Variants in CFAP99 observed in about 807,000 individuals in gnomAD.
The protein encoded by CFAP99 is cilia and flagella associated protein 99.
Under a neutral mutation model 82.7 loss-of-function variants are expected in CFAP99, and 84 were observed. The observed-to-expected ratio is 1.02, with a 90% CI of 0.85 to 1.22. CFAP99 has a LOEUF of 1.22. Among genes scored for constraint, CFAP99 ranks in the 50% most tolerant of loss-of-function variants. The pLI, the probability that CFAP99 is intolerant of heterozygous loss-of-function variation, is 0.00. For missense variants in CFAP99, 1,059 were observed against 983.5 expected, an observed-to-expected ratio of 1.08 and a Z score of -1.03; for synonymous variants, 456 against 429.5, an observed-to-expected ratio of 1.06 and a Z score of -0.76.
chr4:2,454,973 G>A (rs1372622224), intron 11 of CFAP99, among the ~76,000 whole-genome samples: 2 of 152,112 alleles, frequency 1.3e-5, no homozygotes, highest in Admixed American at 6.5e-5. Context: ...AGGCTGGAGC[G>A]CAGTGGCATG....
At chr4:2,423,330 G>A (rs1372452590) in intron 1 of CFAP99, among the ~76,000 whole-genome samples, 2 of 152,260 alleles carry the variant, frequency 1.3e-5, no homozygotes, top group East Asian at 3.8e-4. Flanking sequence ...CTCCCGAGGA[G>A]AGGGGCTGAA....
At chr4:2,461,400 C>T (rs950310799) in intron 14 of CFAP99, among the ~76,000 whole-genome samples, 2 of 152,212 alleles carry the variant, frequency 1.3e-5, no homozygotes, top group Non-Finnish European at 2.9e-5. Flanking sequence ...CTAATCATTG[C>T]TGATGGAAGA....
intron 14 of CFAP99, among the ~76,000 whole-genome samples, chr4:2,461,966 G>C (rs1365081083): frequency 6.7e-6 from 1 of 149,716 alleles, no homozygotes; most frequent in African/African-American, 2.5e-5. Flanking sequence ...TAGTACACCT[G>C]TAATACTTTT....
At chr4:2,438,035 G>T in intron 3 of CFAP99, 35 bp from the exon 4 acceptor site, 1 of 1,332,244 alleles carries the variant, frequency 7.5e-7, no homozygotes, top group Non-Finnish European at 1.0e-6. Flanking sequence ...GCCCCGTGAC[G>T]TCCCTTAGCC....
In CFAP99 at chr4:2,445,325, T is replaced by C; in HGVS notation, c.642+17T>C. On this transcript the variant is annotated intron_variant, in intron 6 of 14. Transcript: ENST00000635017. ...CCGAGACCCGTGAGTGTGGGCATTC[T>C]CAGCAGGCACTGGCTTGCAGGCATC... 1 of 1,321,952 alleles carries C rather than the reference T, an allele frequency of 7.6e-7. No homozygotes were observed. The highest frequency in any genetic ancestry group is 2.2e-5 in the South Asian group (1 of 45,730). 81.9% of individuals were successfully genotyped at this position (1,321,952 alleles called of 1,614,324 possible).
At chr4:2,436,953 T>C (rs1307472152) in exon 3 of CFAP99, 2 of 1,536,006 alleles carry the variant, frequency 1.3e-6, no homozygotes, top group Admixed American at 3.9e-5. Flanking sequence ...CTGACCGTCG[T>C]GGTGGATGCC....
chr4:2,450,831 G>A lies in CFAP99; in HGVS notation c.796-116G>A. ...AGGGATGGGCAGCTGGGGGGAGGAT[G>A]AAGAGGGGTGAGCCAGGCCTCCCCA... On this transcript the variant is annotated intron_variant, in intron 8 of 14. Transcript: ENST00000635017. The A allele has an allele frequency of 1.1e-5, 9 of 793,344 alleles. No homozygotes were observed. In the South Asian group the frequency reaches 1.2e-4, roughly 11 times the overall value. 49.1% of individuals were successfully genotyped at this position (793,344 alleles called of 1,614,324 possible).
intron 3 of CFAP99, 136 bp downstream of exon 3, chr4:2,437,154 G>T: frequency 9.5e-7 from 1 of 1,051,406 alleles, no homozygotes; most frequent in Non-Finnish European, 1.4e-6. Flanking sequence ...AGGCTTCCCG[G>T]CTCCTCACCT....
In CFAP99 at chr4:2,448,876, TC is replaced by T. The variant is rs1734229727; in HGVS notation, c.643-792del. On this transcript the variant is annotated intron_variant, in intron 6 of 14. Coordinates refer to ENST00000635017, the Ensembl canonical transcript of CFAP99. The surrounding 1 kb of genome is among the most constrained non-coding windows in gnomAD (Gnocchi z 5.2). ...GCCAAGGAGGGCAGTGAGAGGCAGT[TC>T]CTGGAGATGGCTTGAAGCAGGTGGG... Among the ~76,000 whole-genome samples, 1 of 152,180 alleles carries T rather than the reference TC, an allele frequency of 6.6e-6. No individual in the cohort carries two copies. The highest frequency in any genetic ancestry group is 2.4e-5 in the African/African-American group (1 of 41,436).
chr4:2,453,170 T>A (rs1354300034), intron 11 of CFAP99, among the ~76,000 whole-genome samples: 1 of 152,158 alleles, frequency 6.6e-6, no homozygotes, highest in Non-Finnish European at 1.5e-5. Flanking sequence ...CCACCTTCCT[T>A]TGTTGGTCCT....
chr4:2,420,844 C>T (rs1475544488), intron 1 of CFAP99, among the ~76,000 whole-genome samples: 1 of 152,180 alleles, frequency 6.6e-6, no homozygotes, highest in Non-Finnish European at 1.5e-5. Flanking sequence ...ATCACCTCCT[C>T]GGCCCAGGAA....
chr4:2,441,372 C>CAA lies in CFAP99; in HGVS notation c.352-1740_352-1739dup, dbSNP rs35201791. Among the ~76,000 whole-genome samples the CAA allele has an allele frequency of 1.9e-3, 228 of 120,018 alleles. 2 individuals carry two copies. Among genetic ancestry groups the CAA allele is most frequent in the East Asian group, 0.012 (51 of 4,326 alleles). 78.7% of individuals were successfully genotyped at this position (120,018 alleles called of 152,430 possible). On this transcript the variant is annotated intron_variant, in intron 4 of 14. Coordinates refer to ENST00000635017, the Ensembl canonical transcript of CFAP99. ...TGGGCGACAGAGCGAGACTCCATCT[C>CAA]AAAAAAAAAAAAAAAAAAATTGTTG...
rs578260718 is a variant in CFAP99 at position 2,452,214 on chromosome 4, G to C, written c.1029G>C (p.Lys343Asn). 3 of 1,536,160 alleles carry C rather than the reference G, an allele frequency of 2.0e-6. No homozygotes were observed. The South Asian group carries it at 3.6e-5, about 18-fold the overall frequency. The change falls in exon 11 of 15, where the codon AAG (lysine) becomes AAC (asparagine). Residue 343 changes from lysine to asparagine, a missense_variant. Lys to Asn is a moderately conservative substitution (Grantham distance 94, BLOSUM62 0). Coordinates refer to ENST00000635017, the Ensembl canonical transcript of CFAP99. ...AGTGGCAGAAGAAGATGCAGGCGAA[G>C]GACCGGGAGGAGCAGCTGGCTGCAA...
rs560387261 is a variant in CFAP99, at chr4:2,421,997, G to A, written c.-18+2904G>A. ...ACTTGAGCTGCAGTGAGTTATCATC[G>A]AGCCACTGCACTCCAGCCTGGGTGA... On this transcript the variant is annotated intron_variant, in intron 1 of 14. Coordinates refer to ENST00000635017, the Ensembl canonical transcript of CFAP99. 1.7e-4 allele frequency among the ~76,000 whole-genome samples: 26 copies of A among 152,152 alleles called. No homozygotes were observed. In the South Asian group the frequency reaches 1.9e-3, roughly 11 times the overall value.
intron 2 of CFAP99, among the ~76,000 whole-genome samples, chr4:2,432,960 A>T (rs879523291): frequency 2.0e-5 from 3 of 151,916 alleles, no homozygotes; most frequent in African/African-American, 7.3e-5. Context: ...CCCCTGAGGC[A>T]TGTGTCACCC....
rs927016722 is a variant in CFAP99 at position 2,460,082 on chromosome 4, C to T, written c.1501C>T (p.Arg501Ter). 10 of 1,536,050 alleles carry T rather than the reference C, an allele frequency of 6.5e-6. No homozygotes were observed. The highest frequency in any genetic ancestry group is 2.4e-5 in the South Asian group (2 of 84,060). ...AGGAGAGATGTCCATAGTGGAGCTG[C>T]GAGAGCGGCTGGCCCTGCTCAAAGA... Residue 501 changes from arginine to a stop codon, truncating the protein, a stop_gained, in exon 14 of 15, where the codon CGA (arginine) becomes TGA (stop). Transcript: ENST00000635017. LOFTEE classifies it high-confidence loss of function.
chr4:2,423,130 A>G (rs1406359061), intron 1 of CFAP99, among the ~76,000 whole-genome samples: 1 of 152,196 alleles, frequency 6.6e-6, no homozygotes, highest in Non-Finnish European at 1.5e-5. Context: ...GCCTGGAGTG[A>G]AAGCCACAAG....
chr4:2,421,350 CTTTTTT>C (rs10632358), intron 1 of CFAP99, among the ~76,000 whole-genome samples: 1 of 96,984 alleles, frequency 1.0e-5, no homozygotes, highest in African/African-American at 4.0e-5. Flanking sequence ...TCTGCCCACC[CTTTTTT>C]TTTTTTTTTT....
At chr4:2,420,636 A>C (rs1398405458) in intron 1 of CFAP99, among the ~76,000 whole-genome samples, 2 of 152,196 alleles carry the variant, frequency 1.3e-5, no homozygotes, top group African/African-American at 4.8e-5. Flanking sequence ...GTGGGGTATC[A>C]GTTAGGTTTA....
Sources: gnomAD v4.1 joint callset for allele counts (sites outside exome capture counted in the v4.1 genomes callset) on GRCh38, gnomAD v4.1.1 for gene constraint, Gnocchi (gnomAD v3.1) non-coding constraint, MANE v1.5 for transcripts, NCBI Gene and HGNC (gene_info 2026-07-23, HGNC 2026-07-21) for gene names.